Variants in DRC4 observed in about 807,000 individuals in gnomAD.
The protein encoded by DRC4 is GAS-11.
At chr16:90,032,883 C>T in the DRC4 span, 1 of 1,613,848 alleles carries the variant, frequency 6.2e-7, no homozygotes, top group African/African-American at 1.3e-5. Flanking sequence ...GCTCAAGGAG[C>T]AGGAGCTGGC....
chr16:90,037,237 G>A, the DRC4 span: 12 of 1,610,056 alleles, frequency 7.5e-6, no homozygotes, highest in South Asian at 1.1e-5. Context: ...TGCAGGAGCA[G>A]ATGGAGGACA....
chr16:90,035,747 GA>G, the DRC4 span: 1 of 1,614,082 alleles, frequency 6.2e-7, no homozygotes, highest in Non-Finnish European at 8.5e-7. Context: ...CATCAGAGAG[GA>G]ATTTACCTCC....
chr16:90,043,293 T>G, the DRC4 span: 1 of 1,613,272 alleles, frequency 6.2e-7, no homozygotes, highest in South Asian at 1.1e-5. Flanking sequence ...ACAGCTGTGA[T>G]CGGACAGACA....
chr16:90,019,672 G>T, the DRC4 span: 1 of 531,548 alleles, frequency 1.9e-6, no homozygotes, highest in Non-Finnish European at 3.3e-6. The surrounding 1 kb of genome is among the most constrained non-coding windows in gnomAD (Gnocchi z 6.1). Context: ...ACACCACCGG[G>T]ACCTGGCTGC....
At chr16:90,039,203 T>C in the DRC4 span, among the ~76,000 whole-genome samples, 8 of 152,116 alleles carry the variant, frequency 5.3e-5, no homozygotes, top group South Asian at 1.2e-3. Flanking sequence ...TGGACATTAT[T>C]GGGAAGAGGA....
the DRC4 span, chr16:90,036,492 C>A: frequency 6.2e-7 from 1 of 1,614,158 alleles, no homozygotes; most frequent in Non-Finnish European, 8.5e-7. Flanking sequence ...CAGATCCACA[C>A]GCTGATGCAG....
chr16:90,035,965 C>T, the DRC4 span: 6 of 1,312,104 alleles, frequency 4.6e-6, no homozygotes, highest in Non-Finnish European at 2.0e-6. Context: ...CTATTCAGTG[C>T]CGTGGGCAGC....
At chr16:90,044,212 G>C in the DRC4 span, 2 of 452,846 alleles carry the variant, frequency 4.4e-6, no homozygotes, top group Admixed American at 2.4e-5. Context: ...CAGAGAGCTG[G>C]AGTTGGCTCA....
At chr16:90,032,590 G>A in the DRC4 span, 1 of 781,464 alleles carries the variant, frequency 1.3e-6, no homozygotes, top group Non-Finnish European at 2.2e-6. Flanking sequence ...AGGTGACCAG[G>A]TGTGTACAGG....
the DRC4 span, chr16:90,044,589 C>T: frequency 4.2e-6 from 2 of 471,142 alleles, no homozygotes; most frequent in East Asian, 1.4e-4. Context: ...CTGCCTTCAT[C>T]TGGTCCAGGA....
the DRC4 span, chr16:90,031,111 C>A: frequency 7.5e-7 from 1 of 1,325,634 alleles, no homozygotes; most frequent in Non-Finnish European, 1.0e-6. Flanking sequence ...GAGAATTCTG[C>A]CACCTGCTGA....
the DRC4 span, chr16:90,043,378 C>T: frequency 4.4e-6 from 7 of 1,591,794 alleles, no homozygotes; most frequent in Non-Finnish European, 5.1e-6. Context: ...CCCAGAGAAC[C>T]AGCCTAGGAA....
At chr16:90,041,454 A>T in the DRC4 span, among the ~76,000 whole-genome samples, 14 of 152,146 alleles carry the variant, frequency 9.2e-5, no homozygotes, top group Non-Finnish European at 1.5e-4. Context: ...ACGTGGTGAG[A>T]CCCTTGCCCA....
chr16:90,043,319 G>A, the DRC4 span: 55 of 1,610,158 alleles, frequency 3.4e-5, no homozygotes, highest in Non-Finnish European at 3.9e-5. Context: ...CCAGGGCCCC[G>A]CGGGACTGGT....
the DRC4 span, among the ~76,000 whole-genome samples, chr16:90,040,969 A>T: frequency 0.052 from 7,957 of 152,164 alleles, 307 homozygotes; most frequent in East Asian, 0.16. Context: ...GAGGGGCCTC[A>T]CCTGGGCCAG....
chr16:90,020,141 T>A, the DRC4 span: 53 of 559,612 alleles, frequency 9.5e-5, no homozygotes, highest in East Asian at 1.7e-3. Context: ...TATATACACA[T>A]TAGATCATTG....
chr16:90,031,710 G>A, the DRC4 span, among the ~76,000 whole-genome samples: 2 of 152,184 alleles, frequency 1.3e-5, no homozygotes. Flanking sequence ...GGGCTCTGGG[G>A]GCAGACTGGC....
At chr16:90,035,906 C>T in the DRC4 span, 3 of 1,447,486 alleles carry the variant, frequency 2.1e-6, no homozygotes, top group Non-Finnish European at 2.7e-6. Context: ...GTGATTACCA[C>T]ACACATTCCC....
At chr16:90,043,573 C>T in the DRC4 span, 2 of 599,422 alleles carry the variant, frequency 3.3e-6, no homozygotes, top group Non-Finnish European at 6.1e-6. Flanking sequence ...CACGTCCAGC[C>T]TGTGTCCAGG....
Sources: gnomAD v4.1 joint callset for allele counts (sites outside exome capture counted in the v4.1 genomes callset) on GRCh38, gnomAD v4.1.1 for gene constraint, Gnocchi (gnomAD v3.1) non-coding constraint, MANE v1.5 for transcripts, NCBI Gene and HGNC (gene_info 2026-07-23, HGNC 2026-07-21) for gene names.